Variants in KHDC1 observed in about 807,000 individuals in gnomAD.
The protein encoded by KHDC1 is KH domain containing 1.
KHDC1 carries 21 observed loss-of-function variants against 24.7 expected under a neutral mutation model. The ratio of observed to expected loss-of-function variants is 0.85; its 90% CI spans 0.60 to 1.23. KHDC1 has a LOEUF of 1.23. KHDC1 is among the 50% of genes most tolerant of loss of function. The pLI is 0.00. For missense variants in KHDC1, 274 were observed against 298.5 expected (o/e 0.92, Z 0.61); for synonymous variants, 98 against 111.7 (o/e 0.88, Z 0.77).
intron 2 of KHDC1, 43 bp from the exon 2 acceptor site, chr6:73,242,573 A>C: frequency 1.2e-6 from 2 of 1,613,134 alleles, no homozygotes; most frequent in South Asian, 2.2e-5. Flanking sequence ...GGTTGGCAAA[A>C]GACTTGGAAA....
intron 1 of KHDC1, among the ~76,000 whole-genome samples, chr6:73,304,457 T>C (rs536989978): frequency 1.8e-4 from 27 of 152,174 alleles, no homozygotes; most frequent in Non-Finnish European, 3.7e-4. Context: ...AGGCTTTTCA[T>C]GTTTTATTTT....
intron 1 of KHDC1, among the ~76,000 whole-genome samples, chr6:73,306,403 C>T (rs1221688053): frequency 2.0e-5 from 3 of 152,120 alleles, no homozygotes; most frequent in Non-Finnish European, 2.9e-5. Flanking sequence ...ACAAAAATTA[C>T]CCAGGTTTTC....
At chr6:73,291,669 G>T (rs1009815169) in intron 2 of KHDC1, among the ~76,000 whole-genome samples, 1 of 151,710 alleles carries the variant, frequency 6.6e-6, no homozygotes, top group African/African-American at 2.4e-5. Context: ...GTGTATGGTT[G>T]CTAAAGGGTC....
intron 1 of KHDC1, among the ~76,000 whole-genome samples, chr6:73,304,548 C>T (rs2150755805): frequency 6.6e-6 from 1 of 152,296 alleles, no homozygotes; most frequent in South Asian, 2.1e-4. Flanking sequence ...AGATCTCTCC[C>T]ACCTTGGTCT....
intron 2 of KHDC1, among the ~76,000 whole-genome samples, chr6:73,270,742 G>A (rs1767163299): frequency 6.6e-6 from 1 of 151,386 alleles, no homozygotes; most frequent in Non-Finnish European, 1.5e-5. Flanking sequence ...CCAGGCTAGA[G>A]TGCAGTGGCG....
intron 2 of KHDC1, among the ~76,000 whole-genome samples, chr6:73,267,554 C>A (rs1490270674): frequency 4.6e-5 from 7 of 151,954 alleles, no homozygotes; most frequent in Non-Finnish European, 1.0e-4. Flanking sequence ...AAATTTGAAC[C>A]CTTGTTATTA....
chr6:73,276,095 G>C (rs1767290134), intron 2 of KHDC1: 1 of 152,486 alleles, frequency 6.6e-6, no homozygotes, highest in Non-Finnish European at 1.5e-5. Flanking sequence ...GGGAGGCTGA[G>C]GCAGGAGAAT....
chr6:73,303,179 T>C (rs773058234), intron 1 of KHDC1, among the ~76,000 whole-genome samples: 1 of 152,036 alleles, frequency 6.6e-6, no homozygotes, highest in Non-Finnish European at 1.5e-5. Context: ...GAAAGAAAAA[T>C]ATCTCATGCT....
intron 2 of KHDC1, among the ~76,000 whole-genome samples, chr6:73,258,899 TG>T (rs1766928404): frequency 1.3e-5 from 2 of 152,326 alleles, no homozygotes; most frequent in South Asian, 4.1e-4. Context: ...GGAGACTGTC[TG>T]GAAGGGCCTA....
intron 1 of KHDC1, among the ~76,000 whole-genome samples, chr6:73,306,881 C>T (rs887343891): frequency 3.6e-4 from 55 of 151,994 alleles, no homozygotes; most frequent in African/African-American, 1.2e-3. Flanking sequence ...TGGTGGCGCA[C>T]GCCTGTAGTC....
chr6:73,242,549 A>C lies in KHDC1; in HGVS notation c.207-19T>G, dbSNP rs1157516219. On this transcript the variant is annotated intron_variant, in intron 2 of 4. Coordinates refer to ENST00000370384, the Ensembl canonical transcript of KHDC1. The stretch of plus-strand genomic sequence containing the variant: ...CTCCGACCTGATACAGAATAGGGCC[A>C]AGTCCAAGCAACTGGTTGGCAAAAG... The C allele has an allele frequency of 1.2e-6, 2 of 1,613,914 alleles. No homozygotes were observed.
chr6:73,256,666 A>T (rs1214346771), intron 2 of KHDC1, among the ~76,000 whole-genome samples: 1 of 152,226 alleles, frequency 6.6e-6, no homozygotes, highest in African/African-American at 2.4e-5. Context: ...CAATAATAAC[A>T]ACATGGTAGG....
intron 2 of KHDC1, among the ~76,000 whole-genome samples, chr6:73,272,667 T>A (rs1767201773): frequency 6.7e-6 from 1 of 150,312 alleles, no homozygotes; most frequent in South Asian, 2.1e-4. Flanking sequence ...TCCCAGTTAC[T>A]CAGGAGGCTA....
intron 1 of KHDC1, among the ~76,000 whole-genome samples, chr6:73,305,035 C>G (rs890279558): frequency 1.3e-5 from 2 of 151,970 alleles, no homozygotes; most frequent in Non-Finnish European, 2.9e-5. Flanking sequence ...GTCAGGGGTT[C>G]AAGACCAGCC....
At chr6:73,263,091 C>A (rs1199644171) in intron 2 of KHDC1, 2 of 1,017,330 alleles carry the variant, frequency 2.0e-6, no homozygotes, top group South Asian at 7.7e-5. Flanking sequence ...CGGCTGCAGG[C>A]CTGGCCGATT....
chr6:73,306,405 C>G lies in KHDC1; in HGVS notation c.163+3147G>C, dbSNP rs923767972. ...TTTCCCCATCCCAACAAAAATTACC[C>G]AGGTTTTCCCATCCAGGAGCATCAG... On this transcript the variant is annotated intron_variant, in intron 1 of 4. Coordinates refer to ENST00000370384, the Ensembl canonical transcript of KHDC1. 2.6e-5 allele frequency among the ~76,000 whole-genome samples: 4 copies of G among 152,144 alleles called. No homozygotes were observed. In the South Asian group the frequency reaches 8.3e-4, roughly 32 times the overall value.
chr6:73,248,865 G>A (rs1582552082), intron 2 of KHDC1, among the ~76,000 whole-genome samples: 2 of 151,226 alleles, frequency 1.3e-5, no homozygotes, highest in Admixed American at 1.3e-4. Context: ...GAACTTCAAG[G>A]GATTTTTTGA....
chr6:73,260,537 C>T (rs527520640), intron 2 of KHDC1, among the ~76,000 whole-genome samples: 56 of 152,064 alleles, frequency 3.7e-4, no homozygotes, highest in Non-Finnish European at 3.5e-4. Context: ...TTTTTGAACA[C>T]CTGTTTATCT....
Position 73,266,660 on chromosome 6 carries a change from A to T in KHDC1, c.207-24130T>A, listed in dbSNP as rs149799143. 2.0e-3 allele frequency among the ~76,000 whole-genome samples: 304 copies of T among 152,362 alleles called. 1 individual carries two copies. The highest frequency in any genetic ancestry group is 7.1e-3 in the African/African-American group (295 of 41,594). On this transcript the variant is annotated intron_variant, in intron 2 of 4. Transcript: ENST00000370384. ...AAGACCTAAATGTAAAACTGTTAGA[A>T]GAAAACACAGGGCAAAAGCTTCATG... is the stretch of plus-strand genomic sequence containing the variant.
Sources: gnomAD v4.1 joint callset for allele counts (sites outside exome capture counted in the v4.1 genomes callset) on GRCh38, gnomAD v4.1.1 for gene constraint, MANE v1.5 for transcripts, NCBI Gene and HGNC (gene_info 2026-07-23, HGNC 2026-07-21) for gene names.